Variants in ANO7 observed in about 807,000 individuals in gnomAD.
The protein encoded by ANO7 is anoctamin 7, also known as anoctamin-7.
In ANO7, 114 loss-of-function variants were observed where a neutral mutation model predicts 115.8. The ratio of observed to expected loss-of-function variants is 0.98; its 90% CI spans 0.85 to 1.15. The LOEUF is 1.15. Ranked by LOEUF, ANO7 falls within the 50% of genes most tolerant of loss-of-function variation. The probability of loss-of-function intolerance (pLI) is 0.00; values close to 1 mark genes in which losing one functional copy is unlikely to be tolerated. For synonymous variants in ANO7, 550 were observed against 498.2 expected, an observed-to-expected ratio of 1.10 and a Z score of -1.38; for missense variants, 1,302 against 1,201.2, an observed-to-expected ratio of 1.08 and a Z score of -1.24.
chr2:241,229,784 GCC>G, downstream of ANO7: 15 of 1,502,514 alleles, frequency 1.0e-5, no homozygotes, highest in Non-Finnish European at 1.3e-5. Flanking sequence ...AAGCCCGCCT[GCC>G]CGCCCACCCT....
intron 10 of ANO7, among the ~76,000 whole-genome samples, chr2:241,207,221 C>A (rs1189071892): frequency 2.0e-5 from 3 of 150,230 alleles, no homozygotes; most frequent in Non-Finnish European, 4.4e-5. Flanking sequence ...GGAGTGCTCC[C>A]AGGCTGACAC....
the ANO7 span, chr2:241,236,757 T>A: frequency 6.2e-7 from 1 of 1,614,094 alleles, no homozygotes. Flanking sequence ...GACAACTGGC[T>A]CTGTACTGTG....
chr2:241,214,969 C>A, intron 18 of ANO7, 67 bp downstream of exon 18: 1 of 1,405,494 alleles, frequency 7.1e-7, no homozygotes, highest in Non-Finnish European at 9.8e-7. Context: ...CTGGCAGTAG[C>A]AGCCTCCAGC....
chr2:241,210,750 G>A (rs1243457034), intron 15 of ANO7, among the ~76,000 whole-genome samples, 180 bp downstream of exon 15: 2 of 152,196 alleles, frequency 1.3e-5, no homozygotes, highest in Admixed American at 1.3e-4. Context: ...CACGATCATG[G>A]CTCACTGTAG....
chr2:241,217,631 C>G (rs771118028), intron 19 of ANO7, 55 bp from the exon 20 acceptor site: 4 of 1,527,022 alleles, frequency 2.6e-6, no homozygotes, highest in African/African-American at 2.8e-5. Flanking sequence ...GGGCGCGTTC[C>G]GAGGGCTGAG....
chr2:241,216,766 C>A (rs2149250333), intron 19 of ANO7, among the ~76,000 whole-genome samples: 1 of 152,356 alleles, frequency 6.6e-6, no homozygotes, highest in Admixed American at 6.5e-5. Context: ...CTGTGCCGTC[C>A]CTGCAGTGCA....
chr2:241,201,278 C>T lies in ANO7; in HGVS notation c.555-20C>T. On this transcript the variant is annotated intron_variant, in intron 6 of 24. Coordinates refer to ENST00000674324, the MANE Select transcript of ANO7 (RefSeq NM_001370694.2). ...CCCACAGCTTCCTCCAAACCTTCTG[C>T]ACTGTTCACATGCCCACAGCTTCCT... 6.2e-7 allele frequency: 1 copy of T among 1,612,164 alleles called. No individual in the cohort carries two copies. The highest frequency in any genetic ancestry group is 8.5e-7 in the Non-Finnish European group (1 of 1,179,440).
In ANO7 at chr2:241,201,473, G is replaced by C. The variant is rs946275582; in HGVS notation, c.612+118G>C. 5.2e-6 allele frequency: 6 copies of C among 1,145,984 alleles called. No individual in the cohort carries two copies. In the African/African-American group the frequency reaches 7.8e-5, roughly 15 times the overall value. 71.0% of individuals were successfully genotyped at this position (1,145,984 alleles called of 1,614,324 possible). A position where few individuals can be genotyped will look rare whatever the true frequency, so the allele number is the denominator to read the frequency against. Reference sequence around the variant, plus strand: ...CTTGAGACCAGAGGGCCGAGGCCTGGAGCCCGGAGGCTTTGGAAACTTTAG... The same window carrying C: ...CTTGAGACCAGAGGGCCGAGGCCTGCAGCCCGGAGGCTTTGGAAACTTTAG... On this transcript the variant is annotated intron_variant, in intron 7 of 24. Coordinates refer to ENST00000674324, the MANE Select transcript of ANO7 (RefSeq NM_001370694.2).
chr2:241,236,974 C>T, the ANO7 span, among the ~76,000 whole-genome samples: 1 of 18,648 alleles, frequency 5.4e-5, no homozygotes, highest in Non-Finnish European at 1.3e-4. Flanking sequence ...GGCTCCCAGA[C>T]CTTGGGGGGG....
At chr2:241,232,432 C>T in the ANO7 span, among the ~76,000 whole-genome samples, 2,223 of 152,256 alleles carry the variant, frequency 0.015, 30 homozygotes, top group Middle Eastern at 0.024. Context: ...CACGCGACCA[C>T]GCCTGGCTAA....
chr2:241,226,949 CGGGTCCA>C (rs2069200169), downstream of ANO7, among the ~76,000 whole-genome samples: 1 of 152,180 alleles, frequency 6.6e-6, no homozygotes, highest in Non-Finnish European at 1.5e-5. Context: ...ACTCACAGGC[CGGGTCCA>C]GGGTGCCAGG....
downstream of ANO7, chr2:241,229,488 G>C (rs187635424): frequency 1.5e-5 from 12 of 774,836 alleles, no homozygotes; most frequent in Non-Finnish European, 2.3e-5. Context: ...TCGGGAAGGG[G>C]GAAGAGCGTC....
chr2:241,205,462 G>A (rs576289017), intron 10 of ANO7, among the ~76,000 whole-genome samples: 5 of 150,696 alleles, frequency 3.3e-5, no homozygotes, highest in East Asian at 2.0e-4. Flanking sequence ...TGACACAGGT[G>A]GATAAGAGTG....
Position 241,195,831 on chromosome 2 carries a change from CTG to C in ANO7, c.301_302del (p.Val101ArgfsTer89). ...TFLDNLRAAG[L>X]CVDQQDVQDG... ...TCTGGATAATCTTCGTGCGGCTGGG[CTG>C]TGTGTAGACCAGGTACGTGGAGGCT... On this transcript the variant is annotated frameshift_variant, in exon 4 of 25. Transcript: ENST00000674324. LOFTEE classifies it high-confidence loss of function. 6 of 1,614,236 alleles carry C rather than the reference CTG, an allele frequency of 3.7e-6. No individual in the cohort carries two copies. The highest frequency in any genetic ancestry group is 5.1e-6 in the Non-Finnish European group (6 of 1,180,034).
chr2:241,208,598 G>A (rs1394531948), intron 11 of ANO7, among the ~76,000 whole-genome samples: 1 of 152,118 alleles, frequency 6.6e-6, no homozygotes, highest in Non-Finnish European at 1.5e-5. Context: ...ATCTTTTGGG[G>A]GCCAGAATTC....
chr2:241,223,908 C>G lies in ANO7; in HGVS notation c.2536C>G (p.Leu846Val), dbSNP rs1021461390. The G allele has an allele frequency of 6.2e-7, 1 of 1,613,918 alleles. No homozygotes were observed. Among genetic ancestry groups the G allele is most frequent in the Admixed American group, 1.7e-5 (1 of 60,006 alleles). Residue 846 changes from leucine to valine, a missense_variant, in exon 24 of 25, where the codon CTT becomes GTT. Transcript: ENST00000674324. Reference sequence around the variant, plus strand: ...TGCTGCCCTTTTTTGGGGACAGGTTCTTTTTGGAACGAACGGAACAAAGGA... The same window carrying G: ...TGCTGCCCTTTTTTGGGGACAGGTTGTTTTTGGAACGAACGGAACAAAGGA... ...AKQALAENEV[L>V]FGTNGTKDEQ...
Position 241,224,420 on chromosome 2 carries a change from C to G in ANO7, c.*267C>G. On this transcript the variant is annotated 3_prime_UTR_variant, in exon 25 of 25. Coordinates refer to ENST00000674324, the MANE Select transcript of ANO7 (RefSeq NM_001370694.2). The stretch of plus-strand genomic sequence containing the variant: ...GACATAAGCCCAAGGGGCCCCTGCA[C>G]CCAAGGGACCCTGTCCCTCGGTGGC... 2.0e-6 allele frequency: 1 copy of G among 505,340 alleles called. No homozygotes were observed. Among genetic ancestry groups the G allele is most frequent in the East Asian group, 3.4e-5 (1 of 29,498 alleles). The allele number at this position is 505,340 out of a possible 1,614,324, so 31.3% of individuals were successfully genotyped here.
the ANO7 span, chr2:241,240,051 G>A: frequency 1.7e-4 from 279 of 1,614,160 alleles, no homozygotes; most frequent in East Asian, 7.8e-4. The surrounding 1 kb of genome is among the most constrained non-coding windows in gnomAD (Gnocchi z 5.5). Context: ...GAATTTTGCC[G>A]CCCCCCTTGC....
At chr2:241,219,810 C>G (rs569741850) in intron 21 of ANO7, among the ~76,000 whole-genome samples, 129 of 151,032 alleles carry the variant, frequency 8.5e-4, no homozygotes, top group African/African-American at 3.0e-3. Context: ...AACTCCTGGC[C>G]TCAAGCAATG....
Sources: allele counts gnomAD v4.1 joint callset (sites outside exome capture counted in the v4.1 genomes callset), GRCh38; gene constraint gnomAD v4.1.1; non-coding constraint Gnocchi (gnomAD v3.1); transcripts MANE v1.5; gene names NCBI Gene and HGNC (gene_info 2026-07-23, HGNC 2026-07-21).